The following HFM1 variants were observed in gnomAD, a reference collection of about 807,000 sequenced individuals.
HFM1 encodes probable ATP-dependent DNA helicase HFM1.
Under a neutral mutation model 192.1 loss-of-function variants are expected in HFM1, and 169 were observed. The ratio of observed to expected loss-of-function variants is 0.88; its 90% CI spans 0.78 to 1.00. The LOEUF is 1.00. Ranked by LOEUF, HFM1 falls within the 50% of genes least tolerant of loss-of-function variation. The pLI is 0.00. For missense variants in HFM1, 1,661 were observed against 1,668.0 expected, an observed-to-expected ratio of 1.00 and a Z score of 0.07; for synonymous variants, 525 against 537.8, an observed-to-expected ratio of 0.98 and a Z score of 0.33.
chr1:91,381,397 C>T (rs764094064), intron 6 of HFM1, among the ~76,000 whole-genome samples: 1 of 152,128 alleles, frequency 6.6e-6, no homozygotes, highest in South Asian at 2.1e-4. Context: ...TTTCATTAAG[C>T]ATTGATTGTA....
chr1:91,402,427 T>A (rs947007598), intron 1 of HFM1, among the ~76,000 whole-genome samples: 1 of 152,190 alleles, frequency 6.6e-6, no homozygotes, highest in African/African-American at 2.4e-5. Context: ...CCTCTTCATT[T>A]TTCTCTATCT....
At chr1:91,360,802 A>G (rs1361277642) in intron 13 of HFM1, among the ~76,000 whole-genome samples, 1 of 152,204 alleles carries the variant, frequency 6.6e-6, no homozygotes, top group Non-Finnish European at 1.5e-5. Flanking sequence ...GAAGTAAAAC[A>G]CTTCTCAGCA....
intron 30 of HFM1, among the ~76,000 whole-genome samples, chr1:91,289,053 C>A (rs1309924726): frequency 2.0e-5 from 3 of 151,478 alleles, no homozygotes; most frequent in Non-Finnish European, 4.4e-5. Context: ...GGGCTGCCCC[C>A]CACCTCCCGG....
chr1:91,373,281 G>A (rs997356260), intron 13 of HFM1, among the ~76,000 whole-genome samples: 22 of 151,962 alleles, frequency 1.4e-4, no homozygotes, highest in South Asian at 4.2e-4. Context: ...GACCCAAAGC[G>A]GAGAGAAGTA....
rs531161118 is a variant in HFM1, at chr1:91,266,225, A to G, written c.3884-118T>C. The G allele has an allele frequency of 5.2e-4, 379 of 727,618 alleles. 4 individuals are homozygous for G. In the South Asian group the frequency reaches 7.2e-3, roughly 14 times the overall value. The allele number at this position is 727,618 out of a possible 1,614,324, so 45.1% of individuals were successfully genotyped here. ...GATCTGATTAAGGAAGGAATGAATA[A>G]TTCTCAGTAACCTAATTTAATTTGC... On this transcript the variant is annotated intron_variant, in intron 35 of 38. Transcript: ENST00000370425.
chr1:91,289,546 C>T lies in HFM1; in HGVS notation c.3392-12484G>A, dbSNP rs529644079. Among the ~76,000 whole-genome samples the T allele has an allele frequency of 5.8e-4, 89 of 152,238 alleles. No individual in the cohort carries two copies. The East Asian group carries it at 0.014, about 25-fold the overall frequency. On this transcript the variant is annotated intron_variant, in intron 30 of 38. Transcript: ENST00000370425. ...TGGAGGTTGTAGCGAGCCAAGAACA[C>T]GCCACTGCACTCCAGCCTGGGCAAC...
intron 13 of HFM1, among the ~76,000 whole-genome samples, chr1:91,372,172 C>G (rs1366212771): frequency 6.6e-6 from 1 of 152,190 alleles, no homozygotes; most frequent in African/African-American, 2.4e-5. Flanking sequence ...TTGTGGAAGT[C>G]ATTGTGGCGA....
At chr1:91,276,873 T>C in intron 31 of HFM1, 109 bp downstream of exon 31, 1 of 821,836 alleles carries the variant, frequency 1.2e-6, no homozygotes, top group Non-Finnish European at 1.9e-6. Context: ...ATTATTTGCA[T>C]TATTAAGTTG....
intron 19 of HFM1, among the ~76,000 whole-genome samples, chr1:91,346,891 G>T (rs1220041669): frequency 6.6e-6 from 1 of 152,146 alleles, no homozygotes; most frequent in Non-Finnish European, 1.5e-5. Context: ...GGAAGGCAGA[G>T]GTAGTAGGAT....
intron 30 of HFM1, among the ~76,000 whole-genome samples, chr1:91,300,874 C>G (rs1410291710): frequency 1.3e-5 from 2 of 152,114 alleles, no homozygotes; most frequent in Non-Finnish European, 2.9e-5. Context: ...AAAACTGGCA[C>G]AAGACAAGGA....
intron 30 of HFM1, among the ~76,000 whole-genome samples, chr1:91,304,099 C>T (rs540938719): frequency 6.6e-6 from 1 of 152,144 alleles, no homozygotes; most frequent in African/African-American, 2.4e-5. Context: ...AAGTGATCTA[C>T]CCGCCTCGGC....
At chr1:91,324,595 G>T in intron 21 of HFM1, 80 bp downstream of exon 21, 1 of 687,060 alleles carries the variant, frequency 1.5e-6, no homozygotes, top group South Asian at 1.7e-5. Context: ...AATTATATGA[G>T]ATACACAAAT....
intron 30 of HFM1, among the ~76,000 whole-genome samples, chr1:91,304,202 T>C (rs944449174): frequency 1.3e-5 from 2 of 152,126 alleles, no homozygotes; most frequent in African/African-American, 4.8e-5. Flanking sequence ...TGTTGAAGTG[T>C]AAGATTTCTT....
At chr1:91,275,207 A>G (rs1016122114) in intron 32 of HFM1, among the ~76,000 whole-genome samples, 1 of 151,604 alleles carries the variant, frequency 6.6e-6, no homozygotes, top group African/African-American at 2.4e-5. Flanking sequence ...CTGGTCTCGA[A>G]CTCCTGACCT....
In HFM1 at chr1:91,370,724, T is replaced by C. The variant is rs563555554; in HGVS notation, c.1685+4634A>G. Among the ~76,000 whole-genome samples, 50 of 152,202 alleles carry C rather than the reference T, an allele frequency of 3.3e-4. 1 individual carries two copies. The highest frequency in any genetic ancestry group is 2.1e-3 in the South Asian group (10 of 4,816). On this transcript the variant is annotated intron_variant, in intron 13 of 38. Transcript: ENST00000370425. ...CTCACCACTCCTATTCAACATAGTG[T>C]TGGAAGTTCTGGCCAGGGCAATCAG...
intron 32 of HFM1, among the ~76,000 whole-genome samples, chr1:91,275,205 G>A (rs12144018): frequency 0.015 from 2,321 of 152,102 alleles, 27 homozygotes; most frequent in Non-Finnish European, 0.021. Flanking sequence ...GGCTGGTCTC[G>A]AACTCCTGAC....
At chr1:91,375,288 TA>T (rs1660770117) in intron 13 of HFM1, 69 bp downstream of exon 13, 1 of 1,078,356 alleles carries the variant, frequency 9.3e-7, no homozygotes, top group Non-Finnish European at 1.4e-6. Context: ...GGGACAAGCC[TA>T]ATTTTCTCAT....
intron 16 of HFM1, 56 bp downstream of exon 16, chr1:91,352,450 A>AT (rs1004045490): frequency 5.9e-6 from 8 of 1,352,088 alleles, no homozygotes; most frequent in African/African-American, 4.5e-5. Context: ...AAAATACACA[A>AT]TTTTTTTGTT....
At chr1:91,404,907 A>G (rs1385801122), upstream of HFM1, 9 of 453,676 alleles carry the variant, frequency 2.0e-5, no homozygotes, top group Admixed American at 1.4e-4. Flanking sequence ...CAAGCCCCCA[A>G]CCTCTCCCTT....
Sources: gnomAD v4.1 joint callset for allele counts (sites outside exome capture counted in the v4.1 genomes callset) on GRCh38, gnomAD v4.1.1 for gene constraint, MANE v1.5 for transcripts, NCBI Gene and HGNC (gene_info 2026-07-23, HGNC 2026-07-21) for gene names.